The following HTR2C variants were observed in gnomAD, a reference collection of about 807,000 sequenced individuals.
HTR2C encodes 5-hydroxytryptamine (serotonin) receptor 2C, G protein-coupled.
In HTR2C, 5 loss-of-function variants were observed where a neutral mutation model predicts 21.0. The ratio of observed to expected loss-of-function variants is 0.24; its 90% CI spans 0.12 to 0.50. The LOEUF is 0.50. Ranked by LOEUF, HTR2C falls within the 20% of genes least tolerant of loss-of-function variation. The pLI, the probability that HTR2C is intolerant of heterozygous loss-of-function variation, is 0.98. For synonymous variants in HTR2C, 150 were observed against 145.3 expected, an observed-to-expected ratio of 1.03 and a Z score of -0.23; for missense variants, 271 against 371.2, an observed-to-expected ratio of 0.73 and a Z score of 2.22.
intron 1 of HTR2C, chrX:114,589,738 T>C (rs1927556267): frequency 3.7e-6 from 1 of 267,630 alleles, no homozygotes; most frequent in Non-Finnish European, 7.0e-6. Flanking sequence ...AGCAGCATTA[T>C]GACAGGCAGC....
At chrX:114,637,606 G>C (rs781993903) in intron 2 of HTR2C, among the ~76,000 whole-genome samples, 1 of 111,649 alleles carries the variant, frequency 9.0e-6, no homozygotes, top group African/African-American at 3.2e-5. Context: ...ATGTGTGTCG[G>C]TATGTGTTAG....
intron 4 of HTR2C, among the ~76,000 whole-genome samples, chrX:114,799,422 A>G (rs1556446201): frequency 9.1e-6 from 1 of 109,981 alleles, no homozygotes; most frequent in East Asian, 2.9e-4. Context: ...AGTTACAAAG[A>G]GTTAGCATGA....
intron 5 of HTR2C, among the ~76,000 whole-genome samples, chrX:114,898,932 T>G (rs937708662): frequency 1.8e-5 from 2 of 112,208 alleles, no homozygotes. Context: ...TTTGAAGAAT[T>G]TCAATGATAG....
At chrX:114,861,550 A>C (rs1350739739) in intron 5 of HTR2C, among the ~76,000 whole-genome samples, 1 of 111,668 alleles carries the variant, frequency 9.0e-6, no homozygotes. Context: ...CTAAAATATT[A>C]ATTTTGAAGA....
Position 114,882,103 on chromosome X carries a change from AATTAT to A in HTR2C, c.551-24479_551-24475del, listed in dbSNP as rs2071186035. Among the ~76,000 whole-genome samples the A allele has an allele frequency of 2.7e-5, 3 of 110,623 alleles. No individual in the cohort carries two copies. In the South Asian group the frequency reaches 1.1e-3, roughly 41 times the overall value. On this transcript the variant is annotated intron_variant, in intron 5 of 5. Coordinates refer to ENST00000276198, the MANE Select transcript of HTR2C (RefSeq NM_000868.4). ...TATCCCTAAGTACTTTTATTTTTTCAATTATATTATAAACTGAATTACTTTATTAA... is the reference window on the plus strand; with the variant it reads ...TATCCCTAAGTACTTTTATTTTTTCAATTATAAACTGAATTACTTTATTAA...
chrX:114,619,475 C>A (rs782357417), intron 2 of HTR2C, among the ~76,000 whole-genome samples: 1 of 111,226 alleles, frequency 9.0e-6, no homozygotes, highest in Non-Finnish European at 1.9e-5. Context: ...TCCCTCACCC[C>A]CCTCATGAAT....
chrX:114,881,778 C>T (rs2071183851), intron 5 of HTR2C, among the ~76,000 whole-genome samples: 1 of 110,035 alleles, frequency 9.1e-6, no homozygotes, highest in Non-Finnish European at 1.9e-5. Flanking sequence ...AGTGCGAGTC[C>T]TCGTACTTTG....
chrX:114,633,029 G>A (rs1370869754), intron 2 of HTR2C, among the ~76,000 whole-genome samples: 1 of 110,792 alleles, frequency 9.0e-6, no homozygotes, highest in Admixed American at 9.6e-5. Flanking sequence ...ATGTGAGAAG[G>A]AAGTCTTTTA....
At chrX:114,811,423 A>G (rs1255654093) in intron 4 of HTR2C, among the ~76,000 whole-genome samples, 1 of 112,011 alleles carries the variant, frequency 8.9e-6, no homozygotes, top group African/African-American at 3.2e-5. Context: ...TCCAATGGCA[A>G]TAGTAATACA....
At chrX:114,789,004 A>G (rs2070205330) in intron 4 of HTR2C, among the ~76,000 whole-genome samples, 1 of 111,715 alleles carries the variant, frequency 9.0e-6, no homozygotes, top group Non-Finnish European at 1.9e-5. Flanking sequence ...TCATCTTCCT[A>G]CTTTAACTTA....
At chrX:114,805,846 T>TATATACC (rs1569495619) in intron 4 of HTR2C, among the ~76,000 whole-genome samples, 1 of 41,170 alleles carries the variant, frequency 2.4e-5, no homozygotes, top group African/African-American at 7.4e-5. Context: ...ATATATACCA[T>TATATACC]ATATATACCA....
chrX:114,820,931 T>C (rs1462453838), intron 4 of HTR2C, among the ~76,000 whole-genome samples: 1 of 111,770 alleles, frequency 8.9e-6, no homozygotes, highest in Non-Finnish European at 1.9e-5. Context: ...CTCTTTTCTG[T>C]TAATTAAAAT....
chrX:114,892,898 ATTTATT>A (rs1268247284), intron 5 of HTR2C, among the ~76,000 whole-genome samples: 28 of 107,851 alleles, frequency 2.6e-4, no homozygotes, highest in African/African-American at 9.3e-4. Flanking sequence ...TGATTTTATT[ATTTATT>A]TTTATTTTTA....
At chrX:114,782,127 C>CAA (rs782535480) in intron 4 of HTR2C, among the ~76,000 whole-genome samples, 4,203 of 72,428 alleles carry the variant, frequency 0.058, 375 homozygotes, top group African/African-American at 0.2. Context: ...CTGACTTCTC[C>CAA]AAAAAAAAAA....
chrX:114,785,595 A>G (rs1390032201), intron 4 of HTR2C, among the ~76,000 whole-genome samples: 2 of 111,563 alleles, frequency 1.8e-5, no homozygotes, highest in Non-Finnish European at 3.8e-5. Context: ...TATGGAAAAA[A>G]AATCAGGCCA....
intron 1 of HTR2C, among the ~76,000 whole-genome samples, chrX:114,607,990 A>T (rs1384477715): frequency 1.8e-5 from 2 of 111,470 alleles, no homozygotes; most frequent in East Asian, 5.6e-4. Context: ...CCACCTCAAA[A>T]AAAACAAAAT....
intron 5 of HTR2C, among the ~76,000 whole-genome samples, chrX:114,890,029 AT>A (rs2147526539): frequency 8.9e-6 from 1 of 111,793 alleles, no homozygotes; most frequent in South Asian, 3.7e-4. Flanking sequence ...AGAGAGGCAA[AT>A]TTTTGAAGGG....
chrX:114,891,925 T>C (rs1359031744), intron 5 of HTR2C, among the ~76,000 whole-genome samples: 1 of 111,425 alleles, frequency 9.0e-6, no homozygotes, highest in Non-Finnish European at 1.9e-5. Flanking sequence ...GATCTAATAG[T>C]ATACTTTTTT....
At chrX:114,719,127 A>G (rs1933102522) in intron 2 of HTR2C, among the ~76,000 whole-genome samples, 1 of 107,682 alleles carries the variant, frequency 9.3e-6, no homozygotes, top group South Asian at 3.8e-4. Context: ...AAATCTCATT[A>G]AAAATTAGTC....
Sources: allele counts gnomAD v4.1 joint callset (sites outside exome capture counted in the v4.1 genomes callset), GRCh38; gene constraint gnomAD v4.1.1; transcripts MANE v1.5; gene names NCBI Gene and HGNC (gene_info 2026-07-23, HGNC 2026-07-21).